USP9X: variants seen among roughly 807,000 people sequenced by gnomAD.
USP9X encodes the protein ubiquitin carboxyl-terminal hydrolase 9X.
In USP9X, 7 loss-of-function variants were observed where a neutral mutation model predicts 190.3. The observed-to-expected ratio is 0.04, with a 90% CI of 0.02 to 0.07. The LOEUF (loss-of-function observed/expected upper bound fraction) is 0.07, where lower values mean the gene tolerates loss of function less well. Among genes scored for constraint, USP9X ranks in the 10% least tolerant of loss-of-function variants. USP9X has a pLI of 1.00. For synonymous variants in USP9X, 645 were observed against 659.5 expected, an observed-to-expected ratio of 0.98 and a Z score of 0.34; for missense variants, 1,010 against 1,916.9, an observed-to-expected ratio of 0.53 and a Z score of 8.83.
rs1268023684 is a variant in USP9X at position 41,136,786 on chromosome X, T to C, written c.436-18T>C. On this transcript the variant is annotated intron_variant, in intron 5 of 44. Coordinates refer to ENST00000378308, the MANE Select transcript of USP9X (RefSeq NM_001039591.3). The stretch of plus-strand genomic sequence containing the variant: ...AGTGTTTTGATCTTGTAAATCGCCT[T>C]TCCCCCTTGTATAACAGAGGTGTAT... 2.6e-5 allele frequency: 30 copies of C among 1,167,462 alleles called. No individual in the cohort carries two copies. The highest frequency in any genetic ancestry group is 3.4e-5 in the Non-Finnish European group (29 of 858,534).
rs868175613 is a variant in USP9X at position 41,216,644 on chromosome X, C to T, written c.6077C>T (p.Pro2026Leu). The change falls in exon 35 of 45, where the codon CCT (proline) becomes CTT (leucine). Residue 2026 changes from proline (P) to leucine (L), a missense_variant. Around this residue, in one of 11 missense-constraint regions of USP9X, gnomAD observed 121 missense variants for 281.2 expected, o/e 0.43. Coordinates refer to ENST00000378308, the MANE Select transcript of USP9X (RefSeq NM_001039591.3). ...LLTCNGVYLN[P>L]PPGQDHLLPE... ...ACATGTAATGGCGTTTACTTAAACCCTCCTCCCGGTGAGTATCAAGAGAGT... is the reference window on the plus strand; with the variant it reads ...ACATGTAATGGCGTTTACTTAAACCTTCCTCCCGGTGAGTATCAAGAGAGT... 1.7e-6 allele frequency: 2 copies of T among 1,203,694 alleles called. No homozygotes were observed. Among genetic ancestry groups the T allele is most frequent in the Admixed American group, 2.2e-5 (1 of 45,522 alleles).
At chrX:41,204,775 C>T (rs918585087) in intron 31 of USP9X, among the ~76,000 whole-genome samples, 5 of 111,856 alleles carry the variant, frequency 4.5e-5, no homozygotes, top group Non-Finnish European at 1.9e-5. Context: ...TTGGCTATAC[C>T]ATCTAGGTTT....
chrX:41,222,800 T>A (rs923538846), intron 38 of USP9X, among the ~76,000 whole-genome samples: 1 of 111,144 alleles, frequency 9.0e-6, no homozygotes, highest in Non-Finnish European at 1.9e-5. Flanking sequence ...GTAGTCCAGC[T>A]ACTGGGGAGG....
At chrX:41,206,352 C>T (rs112390014) in intron 32 of USP9X, among the ~76,000 whole-genome samples, 2,190 of 111,639 alleles carry the variant, frequency 0.02, 44 homozygotes, top group African/African-American at 0.068. Context: ...TTGAATTTAC[C>T]GAGTTATCTC....
intron 11 of USP9X, among the ~76,000 whole-genome samples, chrX:41,146,815 G>T (rs746693557): frequency 2.9e-5 from 3 of 104,921 alleles, no homozygotes; most frequent in Non-Finnish European, 3.9e-5. Flanking sequence ...TCCCAATTTG[G>T]TTATCTTTTT....
chrX:41,165,121 A>G (rs1305729184), intron 15 of USP9X, among the ~76,000 whole-genome samples: 1 of 111,699 alleles, frequency 9.0e-6, no homozygotes, highest in African/African-American at 3.2e-5. Flanking sequence ...TTGATTGAAT[A>G]CCTCATTTTT....
In USP9X at chrX:41,183,983, CT is replaced by C; in HGVS notation, c.3149-8del. On this transcript the variant is annotated splice_polypyrimidine_tract_variant and intron_variant, in intron 21 of 44. Transcript: ENST00000378308. ...CATGAATTACATTTTCACACTGTCT[CT>C]TTTTTTCCTCCAGATAGCACAACGA... 3 of 1,193,977 alleles carry C rather than the reference CT, an allele frequency of 2.5e-6. No individual in the cohort carries two copies. Among genetic ancestry groups the C allele is most frequent in the Admixed American group, 2.4e-5 (1 of 42,345 alleles).
In USP9X at chrX:41,186,662, C is replaced by T. The variant is rs1355320177; in HGVS notation, c.3684+20C>T. ...GATGAGGTTAGTTTTATCAAGACTT[C>T]TGTCACAATTTTAACTTTCCTAGGC... is the stretch of plus-strand genomic sequence containing the variant. On this transcript the variant is annotated intron_variant, in intron 24 of 44. Transcript: ENST00000378308. 2 of 1,207,743 alleles carry T rather than the reference C, an allele frequency of 1.7e-6. No individual in the cohort carries two copies. Among genetic ancestry groups the T allele is most frequent in the Admixed American group, 4.4e-5 (2 of 45,755 alleles).
At position 41,085,531 on chromosome X, in the gene USP9X, G is replaced by T; in HGVS notation, c.-737G>T. The T allele has an allele frequency of 5.7e-6, 1 of 174,858 alleles. No individual in the cohort carries two copies. The highest frequency in any genetic ancestry group is 1.1e-5 in the Non-Finnish European group (1 of 93,743). The allele number at this position is 174,858 out of a possible 1,213,427, so 14.4% of individuals were successfully genotyped here. A position where few individuals can be genotyped will look rare whatever the true frequency, so the allele number is the denominator to read the frequency against. On this transcript the variant is annotated 5_prime_UTR_variant, in exon 1 of 45. Transcript: ENST00000378308. ...CCGCCGCCGGAGCCGCAACCTCTCC[G>T]CACCCGGCCCCGTCAGGGCCTCTGT...
In USP9X at chrX:41,224,937, C is replaced by G; in HGVS notation, c.6947C>G (p.Thr2316Ser). Reference sequence around the variant, plus strand: ...TGGGAGAATCCTCAGTTCTCATCTACTGTCCTCAGTGAACTTCTCTGGCAG... The same window carrying G: ...TGGGAGAATCCTCAGTTCTCATCTAGTGTCCTCAGTGAACTTCTCTGGCAG... ...CCWENPQFSS[T>S]VLSELLWQVA... The change falls in exon 40 of 45, where the codon ACT (threonine) becomes AGT (serine). Residue 2316 changes from threonine to serine, a missense_variant. Transcript: ENST00000378308. 1.6e-6 allele frequency: 2 copies of G among 1,212,226 alleles called. No individual in the cohort carries two copies. The highest frequency in any genetic ancestry group is 2.2e-6 in the Non-Finnish European group (2 of 895,555).
At chrX:41,164,481 G>C (rs1035355235) in intron 15 of USP9X, among the ~76,000 whole-genome samples, 1 of 111,091 alleles carries the variant, frequency 9.0e-6, no homozygotes, top group African/African-American at 3.3e-5. Flanking sequence ...AGGTTTACTA[G>C]AACAGAAAAG....
chrX:41,134,494 CTCT>C (rs905573107), intron 4 of USP9X, among the ~76,000 whole-genome samples: 15 of 112,262 alleles, frequency 1.3e-4, no homozygotes, highest in African/African-American at 4.8e-4. Context: ...TTAAATTTGC[CTCT>C]TCTTGTGGTG....
At chrX:41,131,885 A>G (rs1472300026) in intron 4 of USP9X, among the ~76,000 whole-genome samples, 1 of 111,726 alleles carries the variant, frequency 9.0e-6, no homozygotes. Flanking sequence ...GATGGATGGT[A>G]TGATGGACTC....
chrX:41,208,726 G>A (rs765040232), intron 32 of USP9X, among the ~76,000 whole-genome samples: 5 of 107,800 alleles, frequency 4.6e-5, no homozygotes, highest in African/African-American at 1.4e-4. Flanking sequence ...TTGTTTTTTT[G>A]AGATGGAGTC....
chrX:41,089,411 C>T (rs950437671), intron 1 of USP9X, among the ~76,000 whole-genome samples: 2 of 111,906 alleles, frequency 1.8e-5, no homozygotes, highest in Non-Finnish European at 3.8e-5. Flanking sequence ...GTTTTTAAGA[C>T]TATCAAGATA....
At chrX:41,190,826 G>C (rs1277029806) in intron 26 of USP9X, among the ~76,000 whole-genome samples, 1 of 111,381 alleles carries the variant, frequency 9.0e-6, no homozygotes, top group Non-Finnish European at 1.9e-5. Flanking sequence ...GTAATGTACT[G>C]TAGAAAGCAT....
At chrX:41,156,716 A>T (rs1419688915) in intron 14 of USP9X, among the ~76,000 whole-genome samples, 1 of 111,884 alleles carries the variant, frequency 8.9e-6, no homozygotes, top group African/African-American at 3.2e-5. Context: ...ACAGTAACAT[A>T]GATGTTCTGT....
At chrX:41,088,215 C>T (rs112834437) in intron 1 of USP9X, among the ~76,000 whole-genome samples, 3,893 of 111,936 alleles carry the variant, frequency 0.035, 160 homozygotes, top group African/African-American at 0.12. Flanking sequence ...GATCTCCTGA[C>T]CTCGTGATCC....
chrX:41,228,346 A>G (rs752136960), intron 41 of USP9X, among the ~76,000 whole-genome samples: 15 of 112,346 alleles, frequency 1.3e-4, no homozygotes, highest in Admixed American at 3.8e-4. Flanking sequence ...GTTTTAAGTT[A>G]GTTAGTTCAG....
Sources: allele counts gnomAD v4.1 joint callset (sites outside exome capture counted in the v4.1 genomes callset), GRCh38; gene constraint gnomAD v4.1.1; regional missense constraint gnomAD v4.1.1; transcripts MANE v1.5; gene names NCBI Gene and HGNC (gene_info 2026-07-23, HGNC 2026-07-21).